KIF26B: variants seen among roughly 807,000 people sequenced by gnomAD.
The protein encoded by KIF26B is kinesin-like protein KIF26B.
In KIF26B, 63 loss-of-function variants were observed where a neutral mutation model predicts 151.2. The ratio of observed to expected loss-of-function variants is 0.42; its 90% CI spans 0.34 to 0.51. KIF26B has a LOEUF of 0.51. KIF26B is among the 20% of genes least tolerant of loss of function. The pLI, the probability that KIF26B is intolerant of heterozygous loss-of-function variation, is 0.07. For missense variants in KIF26B, 2,813 were observed against 2,913.6 expected, an observed-to-expected ratio of 0.97 and a Z score of 0.79; for synonymous variants, 1,357 against 1,262.1, an observed-to-expected ratio of 1.08 and a Z score of -1.59.
chr1:245,701,724 A>G (rs2044774821), intron 14 of KIF26B, among the ~76,000 whole-genome samples: 1 of 152,194 alleles, frequency 6.6e-6, no homozygotes, highest in African/African-American at 2.4e-5. Flanking sequence ...CACTGTCAGC[A>G]GAGGTGGAGG....
rs1247976055 is a variant in KIF26B, at chr1:245,167,027, C to G, written c.465+10344C>G. Among the ~76,000 whole-genome samples the G allele has an allele frequency of 1.3e-5, 2 of 152,186 alleles. No individual in the cohort carries two copies. The highest frequency in any genetic ancestry group is 2.9e-5 in the Non-Finnish European group (2 of 68,034). On this transcript the variant is annotated intron_variant, in intron 2 of 14. Transcript: ENST00000407071. This position sits in a 1 kb window ranked among gnomAD's most constrained non-coding sequence, Gnocchi z 4.2. Reference sequence around the variant, plus strand: ...TTAAGTGTTATAGACCAGGTTACAGCTGAGGGACTATTTTGATTTTCCTTT... The same window carrying G: ...TTAAGTGTTATAGACCAGGTTACAGGTGAGGGACTATTTTGATTTTCCTTT...
Position 245,540,951 on chromosome 1 carries a change from G to A in KIF26B, c.1350+1G>A. 1.2e-6 allele frequency: 2 copies of A among 1,604,234 alleles called. No individual in the cohort carries two copies. The highest frequency in any genetic ancestry group is 1.7e-6 in the Non-Finnish European group (2 of 1,172,888). On this transcript the variant is annotated splice_donor_variant, in intron 5 of 14. Coordinates refer to ENST00000407071, the MANE Select transcript of KIF26B (RefSeq NM_018012.4). LOFTEE classifies it high-confidence loss of function. The surrounding 1 kb of genome is among the most constrained non-coding windows in gnomAD (Gnocchi z 4.6). ...GAAGGACACCCCGGGGCTGGGCAAG[G>A]TAGGACCATCCGCCGTCCCTGCCAT...
intron 2 of KIF26B, among the ~76,000 whole-genome samples, chr1:245,246,787 T>G (rs1670337430): frequency 6.6e-6 from 1 of 152,068 alleles, no homozygotes; most frequent in African/African-American, 2.4e-5. Flanking sequence ...TTCCAGCGTA[T>G]GCAGAGCTGT....
intron 2 of KIF26B, among the ~76,000 whole-genome samples, chr1:245,258,257 C>T (rs947348000): frequency 3.9e-5 from 6 of 152,200 alleles, no homozygotes; most frequent in Non-Finnish European, 7.3e-5. Context: ...GACAGAGCCC[C>T]TTCTAGGAGC....
intron 2 of KIF26B, among the ~76,000 whole-genome samples, chr1:245,280,604 T>G (rs9662342): frequency 0.035 from 5,051 of 144,638 alleles, 139 homozygotes; most frequent in African/African-American, 0.053. Context: ...TTCGTTTTTT[T>G]TTTTTTTTTT....
At chr1:245,653,933 C>A (rs979570838) in intron 10 of KIF26B, among the ~76,000 whole-genome samples, 1 of 152,132 alleles carries the variant, frequency 6.6e-6, no homozygotes, top group Non-Finnish European at 1.5e-5. Context: ...CATGGTGGCT[C>A]ATACCTGTAG....
chr1:245,555,252 G>A (rs768494278), intron 5 of KIF26B, among the ~76,000 whole-genome samples: 1 of 151,956 alleles, frequency 6.6e-6, no homozygotes, highest in African/African-American at 2.4e-5. Context: ...GATAAAGAAG[G>A]GAATTCTTTT....
intron 2 of KIF26B, among the ~76,000 whole-genome samples, chr1:245,280,435 G>T (rs1298468988): frequency 6.7e-6 from 1 of 149,706 alleles, no homozygotes; most frequent in Admixed American, 6.7e-5. Context: ...GGAGGCTGAG[G>T]CAGGAGAATG....
At chr1:245,399,013 T>G (rs1287316756) in intron 3 of KIF26B, among the ~76,000 whole-genome samples, 1 of 152,148 alleles carries the variant, frequency 6.6e-6, no homozygotes, top group Non-Finnish European at 1.5e-5. Context: ...CTTATCAGCT[T>G]CAGTAAAATT....
chr1:245,665,039 A>T (rs2044198546), intron 10 of KIF26B, among the ~76,000 whole-genome samples: 1 of 152,230 alleles, frequency 6.6e-6, no homozygotes, highest in African/African-American at 2.4e-5. Flanking sequence ...AGTGAAATAC[A>T]TTTCTCAATT....
intron 4 of KIF26B, among the ~76,000 whole-genome samples, chr1:245,474,325 G>A (rs997164458): frequency 6.6e-6 from 1 of 151,036 alleles, no homozygotes; most frequent in African/African-American, 2.4e-5. Flanking sequence ...AGCCAAGATG[G>A]TCTTGATCTC....
At position 245,540,148 on chromosome 1, in the gene KIF26B, T is replaced by A. The variant is rs369419773; in HGVS notation, c.1167-619T>A. ...TGCATTTTGTATTTAAAGACCTCCCTGCACAATATCCTCTTATCTACGTAA... is the reference window on the plus strand; with the variant it reads ...TGCATTTTGTATTTAAAGACCTCCCAGCACAATATCCTCTTATCTACGTAA... On this transcript the variant is annotated intron_variant, in intron 4 of 14. Coordinates refer to ENST00000407071, the MANE Select transcript of KIF26B (RefSeq NM_018012.4). This position sits in a 1 kb window ranked among gnomAD's most constrained non-coding sequence, Gnocchi z 4.6. 6.6e-6 allele frequency among the ~76,000 whole-genome samples: 1 copy of A among 152,190 alleles called. No homozygotes were observed. The highest frequency in any genetic ancestry group is 2.1e-4 in the South Asian group (1 of 4,830).
At chr1:245,377,920 A>T (rs539006483) in intron 3 of KIF26B, among the ~76,000 whole-genome samples, 1 of 152,358 alleles carries the variant, frequency 6.6e-6, no homozygotes, top group African/African-American at 2.4e-5. Flanking sequence ...CAAGAGCCAG[A>T]CAAAATGAAA....
At position 245,685,889 on chromosome 1, in the gene KIF26B, C is replaced by T. The variant is rs148590058; in HGVS notation, c.2906C>T (p.Ala969Val). ...AGAGGCCCCCGGTTAAGCCAAGCAG[C>T]GGGGGCAAGCCCACTCTCTGAGTCT... is the stretch of plus-strand genomic sequence containing the variant. The part of the protein sequence containing the change: ...ASRGPRLSQA[A>V]GASPLSESDK... Residue 969 changes from alanine to valine, a missense_variant, in exon 12 of 15, where the codon GCG (alanine) becomes GTG (valine). Ala to Val is a moderately conservative substitution (Grantham distance 64). Transcript: ENST00000407071. 17,609 of 1,612,694 alleles carry T rather than the reference C, an allele frequency of 0.011. 115 individuals carry two copies. Among genetic ancestry groups the T allele is most frequent in the Non-Finnish European group, 0.013 (15,467 of 1,179,694 alleles).
chr1:245,174,705 G>A (rs191831715), intron 2 of KIF26B, among the ~76,000 whole-genome samples: 4 of 152,224 alleles, frequency 2.6e-5, no homozygotes, highest in Admixed American at 2.0e-4. Context: ...TCGACTCTGT[G>A]TCAGGCGCTG....
At chr1:245,623,050 T>TG (rs1324266750) in intron 9 of KIF26B, among the ~76,000 whole-genome samples, 58 of 131,992 alleles carry the variant, frequency 4.4e-4, no homozygotes, top group South Asian at 9.8e-4. Flanking sequence ...TTTTTTTTTT[T>TG]TTGTTGTTTT....
In KIF26B at chr1:245,512,860, G is replaced by C. The variant is rs1368528333; in HGVS notation, c.1167-27907G>C. 6.6e-6 allele frequency among the ~76,000 whole-genome samples: 1 copy of C among 152,076 alleles called. No individual in the cohort carries two copies. Among genetic ancestry groups the C allele is most frequent in the African/African-American group, 2.4e-5 (1 of 41,408 alleles). On this transcript the variant is annotated intron_variant, in intron 4 of 14. Transcript: ENST00000407071. This position sits in a 1 kb window ranked among gnomAD's most constrained non-coding sequence, Gnocchi z 4.3. ...GGCTTGAAGCAGAGTGGAAAACCTAGAGCAAAAATCATGCCGGGGAAAGGA... is the reference window on the plus strand; with the variant it reads ...GGCTTGAAGCAGAGTGGAAAACCTACAGCAAAAATCATGCCGGGGAAAGGA...
intron 2 of KIF26B, among the ~76,000 whole-genome samples, chr1:245,283,428 GT>G (rs761023290): frequency 6.6e-6 from 1 of 152,022 alleles, no homozygotes; most frequent in Non-Finnish European, 1.5e-5. Context: ...TTCACCATCT[GT>G]TTTTTTCTTT....
At chr1:245,187,258 A>C (rs1266163693) in intron 2 of KIF26B, among the ~76,000 whole-genome samples, 2 of 152,244 alleles carry the variant, frequency 1.3e-5, no homozygotes, top group East Asian at 3.8e-4. Context: ...AGTCAGACAC[A>C]AAAAGACAAA....
Sources: gnomAD v4.1 joint callset for allele counts (sites outside exome capture counted in the v4.1 genomes callset) on GRCh38, gnomAD v4.1.1 for gene constraint, Gnocchi (gnomAD v3.1) non-coding constraint, MANE v1.5 for transcripts, NCBI Gene and HGNC (gene_info 2026-07-23, HGNC 2026-07-21) for gene names.